ARSJ: variants seen among roughly 807,000 people sequenced by gnomAD.
The protein encoded by ARSJ is arylsulfatase J.
ARSJ carries 26 observed loss-of-function variants against 35.9 expected under a neutral mutation model. That is an observed-to-expected ratio of 0.72 (90% confidence interval 0.53 to 1.00). ARSJ has a LOEUF of 1.00. Among genes scored for constraint, ARSJ ranks in the 50% least tolerant of loss-of-function variants. ARSJ has a pLI of 0.00. For missense variants in ARSJ, 667 were observed against 723.6 expected (o/e 0.92, Z 0.90); for synonymous variants, 294 against 267.6 (o/e 1.10, Z -0.96).
intron 1 of ARSJ, among the ~76,000 whole-genome samples, chr4:113,924,061 ATATAAATATATATAAATAT>A (rs1723871679): frequency 9.0e-6 from 1 of 110,724 alleles, no homozygotes; most frequent in African/African-American, 4.2e-5. Context: ...ATATAAATAT[ATATAAATATATATAAATAT>A]ATATATATAT....
intron 1 of ARSJ, among the ~76,000 whole-genome samples, chr4:113,904,732 G>A (rs1369448462): frequency 6.6e-6 from 1 of 151,902 alleles, no homozygotes; most frequent in Non-Finnish European, 1.5e-5. Flanking sequence ...CTCGTGATCC[G>A]CCCACCTCGG....
At position 113,953,786 on chromosome 4, in the gene ARSJ, T is replaced by G. The variant is rs77744486; in HGVS notation, c.398+24651A>C. Reference sequence around the variant, plus strand: ...GATAAAATGATCAGTAGCAGCATAATAAAAGGATTTTAAAAGCACTGAACC... The same window carrying G: ...GATAAAATGATCAGTAGCAGCATAAGAAAAGGATTTTAAAAGCACTGAACC... On this transcript the variant is annotated intron_variant, in intron 1 of 1. Coordinates refer to ENST00000315366, the MANE Select transcript of ARSJ (RefSeq NM_024590.4). Among the ~76,000 whole-genome samples, 1,139 of 152,114 alleles carry G rather than the reference T, an allele frequency of 7.5e-3. 17 individuals are homozygous for G. Among genetic ancestry groups the G allele is most frequent in the African/African-American group, 0.026 (1,084 of 41,534 alleles).
intron 1 of ARSJ, among the ~76,000 whole-genome samples, chr4:113,926,870 G>C (rs948551225): frequency 6.6e-6 from 1 of 152,098 alleles, no homozygotes; most frequent in Admixed American, 6.5e-5. Flanking sequence ...AAGACGGCAG[G>C]GTCCTGCTCC....
intron 1 of ARSJ, among the ~76,000 whole-genome samples, chr4:113,908,391 T>C (rs982470504): frequency 6.6e-6 from 1 of 151,494 alleles, no homozygotes; most frequent in Non-Finnish European, 1.5e-5. Context: ...GCAATTTTTC[T>C]ATAAGATTGT....
intron 1 of ARSJ, among the ~76,000 whole-genome samples, chr4:113,933,186 A>G (rs915855212): frequency 6.6e-6 from 1 of 151,978 alleles, no homozygotes; most frequent in Non-Finnish European, 1.5e-5. Flanking sequence ...CAACAAACCT[A>G]TAGGTAACGA....
intron 1 of ARSJ, chr4:113,970,976 A>G (rs1727209145): frequency 6.6e-6 from 1 of 152,048 alleles, no homozygotes; most frequent in South Asian, 2.1e-4. Context: ...AAAAAATAAA[A>G]ATAAAAAATA....
rs979737837 is a variant in ARSJ at position 113,904,630 on chromosome 4, G to A, written c.399-955C>T. 3.3e-5 allele frequency among the ~76,000 whole-genome samples: 5 copies of A among 152,194 alleles called. No homozygotes were observed. In the East Asian group the frequency reaches 7.8e-4, roughly 24 times the overall value. On this transcript the variant is annotated intron_variant, in intron 1 of 1. Coordinates refer to ENST00000315366, the MANE Select transcript of ARSJ (RefSeq NM_024590.4). ...CTCCGGAGTAGCTGGGACTACAGGC[G>A]CCTGCCACCACGCCCAGATAATTTT...
intron 1 of ARSJ, among the ~76,000 whole-genome samples, chr4:113,963,683 T>C (rs1015190479): frequency 6.6e-6 from 1 of 152,018 alleles, no homozygotes; most frequent in Admixed American, 6.6e-5. Context: ...CAATATTGAA[T>C]GAATGGATGA....
chr4:113,978,772 A>T lies in ARSJ; in HGVS notation c.63T>A (p.Pro21=). The change falls in exon 1 of 2, where the codon CCT becomes CCA. Residue 21 remains proline (P), a synonymous_variant. Transcript: ENST00000315366. The part of the protein sequence containing the change: ...PPPSPQACVC[P]GKMLAMGALA... ...GCGCCCCCATTGCTAGCATCTTTCC[A>T]GGACAGACACAGGCCTGTGGAGAAG... 6.8e-6 allele frequency: 11 copies of T among 1,614,226 alleles called. No individual in the cohort carries two copies. Among genetic ancestry groups the T allele is most frequent in the Non-Finnish European group, 9.3e-6 (11 of 1,180,018 alleles).
intron 1 of ARSJ, among the ~76,000 whole-genome samples, chr4:113,908,564 G>A (rs893660067): frequency 1.5e-5 from 2 of 133,880 alleles, no homozygotes; most frequent in African/African-American, 5.6e-5. Context: ...AGAGACAAAT[G>A]AGAGCTATAG....
chr4:113,974,865 C>G (rs575817073), intron 1 of ARSJ, among the ~76,000 whole-genome samples: 1 of 152,216 alleles, frequency 6.6e-6, no homozygotes, highest in South Asian at 2.1e-4. Flanking sequence ...AAAACATATA[C>G]AAGTATTTTT....
At chr4:113,947,736 A>G (rs1447828454) in intron 1 of ARSJ, among the ~76,000 whole-genome samples, 1 of 152,170 alleles carries the variant, frequency 6.6e-6, no homozygotes, top group Non-Finnish European at 1.5e-5. Flanking sequence ...ACTGTATTTT[A>G]TAAGTTATTT....
At chr4:113,926,501 T>C (rs4585376) in intron 1 of ARSJ, among the ~76,000 whole-genome samples, 109,986 of 151,996 alleles carry the variant, frequency 0.72, 40,346 homozygotes, top group East Asian at 0.81. Context: ...TCTTCTCTTC[T>C]TTTATCAACT....
At chr4:113,924,933 T>A (rs1332936467) in intron 1 of ARSJ, among the ~76,000 whole-genome samples, 1 of 152,164 alleles carries the variant, frequency 6.6e-6, no homozygotes, top group Non-Finnish European at 1.5e-5. Context: ...TTGTGGTTTT[T>A]TTTCCTGGTG....
In ARSJ at chr4:113,964,364, AG is replaced by A. The variant is rs1353795609; in HGVS notation, c.398+14072del. On this transcript the variant is annotated intron_variant, in intron 1 of 1. Coordinates refer to ENST00000315366, the MANE Select transcript of ARSJ (RefSeq NM_024590.4). The stretch of plus-strand genomic sequence containing the variant: ...ATACTCCAAAATGTTTACATCTCCT[AG>A]TACCTTTAATTTCATGATACAGTTC... Among the ~76,000 whole-genome samples, 3 of 152,116 alleles carry A rather than the reference AG, an allele frequency of 2.0e-5. No homozygotes were observed. In the East Asian group the frequency reaches 5.8e-4, roughly 29 times the overall value.
At chr4:113,940,843 A>T (rs909272676) in intron 1 of ARSJ, among the ~76,000 whole-genome samples, 7 of 151,970 alleles carry the variant, frequency 4.6e-5, no homozygotes, top group Non-Finnish European at 7.4e-5. Flanking sequence ...TTTTACAGGC[A>T]ACATGCATAC....
intron 1 of ARSJ, among the ~76,000 whole-genome samples, chr4:113,904,264 T>C (rs2099668044): frequency 6.6e-6 from 1 of 152,150 alleles, no homozygotes; most frequent in Non-Finnish European, 1.5e-5. Flanking sequence ...GTGGAATTAA[T>C]TTGAATACAC....
intron 1 of ARSJ, among the ~76,000 whole-genome samples, chr4:113,906,036 A>C (rs759225287): frequency 6.6e-6 from 1 of 152,200 alleles, no homozygotes; most frequent in African/African-American, 2.4e-5. Flanking sequence ...AATGTTTTAG[A>C]CACAAGTGAA....
intron 1 of ARSJ, among the ~76,000 whole-genome samples, chr4:113,940,243 T>G (rs900605053): frequency 3.3e-5 from 5 of 152,110 alleles, no homozygotes; most frequent in Admixed American, 6.6e-5. Flanking sequence ...TCAACCCAAA[T>G]GCCCATCAAT....
Sources: gnomAD v4.1 joint callset for allele counts (sites outside exome capture counted in the v4.1 genomes callset) on GRCh38, gnomAD v4.1.1 for gene constraint, MANE v1.5 for transcripts, NCBI Gene and HGNC (gene_info 2026-07-23, HGNC 2026-07-21) for gene names.